Variants in NRXN1 observed in about 807,000 individuals in gnomAD.
The protein encoded by NRXN1 is neurexin 1.
Under a neutral mutation model 150.9 loss-of-function variants are expected in NRXN1, and 39 were observed. The ratio of observed to expected loss-of-function variants is 0.26; its 90% confidence interval spans 0.20 to 0.34. The LOEUF is 0.34. Among genes scored for constraint, NRXN1 ranks in the 10% least tolerant of loss-of-function variants. The pLI is 1.00. For synonymous variants in NRXN1, 924 were observed against 757.0 expected (o/e 1.22, Z -3.62); for missense variants, 1,815 against 1,949.9 (o/e 0.93, Z 1.30).
chr2:50,215,901 ATAAT>A (rs2063362207), intron 18 of NRXN1, among the ~76,000 whole-genome samples: 1 of 152,096 alleles, frequency 6.6e-6, no homozygotes, highest in East Asian at 1.9e-4. Context: ...AAGCAAGTAC[ATAAT>A]TGGCATTTTT....
intron 5 of NRXN1, among the ~76,000 whole-genome samples, chr2:50,769,143 T>A (rs1445121851): frequency 6.6e-6 from 1 of 152,062 alleles, no homozygotes; most frequent in Non-Finnish European, 1.5e-5. Flanking sequence ...AAGCTATTAT[T>A]TCTGGGTTCT....
intron 17 of NRXN1, among the ~76,000 whole-genome samples, chr2:50,273,118 T>G (rs868019568): frequency 2.6e-5 from 4 of 152,100 alleles, no homozygotes; most frequent in Non-Finnish European, 4.4e-5. Flanking sequence ...GAGGTACCAT[T>G]GGCAAATATT....
At chr2:50,111,282 T>C (rs1478189598) in intron 18 of NRXN1, among the ~76,000 whole-genome samples, 2 of 152,164 alleles carry the variant, frequency 1.3e-5, no homozygotes, top group Admixed American at 6.5e-5. Flanking sequence ...TAAGTTCAAC[T>C]TGAAACATGC....
chr2:50,510,266 T>A (rs1414863772), intron 12 of NRXN1, among the ~76,000 whole-genome samples: 1 of 151,456 alleles, frequency 6.6e-6, no homozygotes, highest in African/African-American at 2.4e-5. Flanking sequence ...GGCGGGAGAA[T>A]CACGAGGTCA....
At chr2:50,373,294 T>TATTTATTATTATTA (rs565617688) in intron 17 of NRXN1, among the ~76,000 whole-genome samples, 1 of 140,412 alleles carries the variant, frequency 7.1e-6, no homozygotes, top group Non-Finnish European at 1.5e-5. Context: ...TATTTTATTT[T>TATTTATTATTATTA]TTATTATTAT....
chr2:50,557,622 A>C (rs1668445755), intron 8 of NRXN1, among the ~76,000 whole-genome samples: 1 of 152,204 alleles, frequency 6.6e-6, no homozygotes, highest in Non-Finnish European at 1.5e-5. Context: ...TACCACATTA[A>C]GGTTACTGTA....
chr2:49,945,036 C>T (rs1480916076), intron 21 of NRXN1: 1 of 152,106 alleles, frequency 6.6e-6, no homozygotes, highest in Non-Finnish European at 1.5e-5. Flanking sequence ...AAAAATCTTT[C>T]AAGTGCAGAG....
At chr2:50,864,071 G>A (rs748019470) in intron 5 of NRXN1, among the ~76,000 whole-genome samples, 32 of 151,942 alleles carry the variant, frequency 2.1e-4, no homozygotes, top group African/African-American at 4.8e-5. Context: ...GAGATTTTCC[G>A]TTGGCTTACT....
chr2:50,421,008 G>A (rs1572905864), intron 17 of NRXN1, among the ~76,000 whole-genome samples: 1 of 133,452 alleles, frequency 7.5e-6, no homozygotes, highest in South Asian at 2.3e-4. Flanking sequence ...GTGTGTGTGT[G>A]TGTGTGTGTG....
At chr2:50,104,538 T>C (rs1415173110) in intron 18 of NRXN1, among the ~76,000 whole-genome samples, 1 of 152,052 alleles carries the variant, frequency 6.6e-6, no homozygotes, top group African/African-American at 2.4e-5. Context: ...GGGCAGGATT[T>C]GGCAGCAGAT....
intron 5 of NRXN1, among the ~76,000 whole-genome samples, chr2:50,871,781 T>C (rs995325821): frequency 6.6e-6 from 1 of 151,844 alleles, no homozygotes; most frequent in Non-Finnish European, 1.5e-5. Context: ...AAAATTCACT[T>C]AGTTTAAGCA....
At chr2:50,614,733 C>CAAAAAAAAAAAAAAAAAAAA (rs33968907) in intron 8 of NRXN1, among the ~76,000 whole-genome samples, 1 of 98,272 alleles carries the variant, frequency 1.0e-5, no homozygotes, top group Non-Finnish European at 1.9e-5. Flanking sequence ...ATCAGCCATT[C>CAAAAAAAAAAAAAAAAAAAA]AAAAAAAAAA....
intron 15 of NRXN1, among the ~76,000 whole-genome samples, chr2:50,478,316 T>A (rs2090156401): frequency 6.6e-6 from 1 of 152,180 alleles, no homozygotes; most frequent in African/African-American, 2.4e-5. Flanking sequence ...CTATTTGAGC[T>A]TACAAGTAAA....
chr2:50,193,618 G>C (rs918609522), intron 18 of NRXN1, among the ~76,000 whole-genome samples: 4 of 151,964 alleles, frequency 2.6e-5, no homozygotes, highest in African/African-American at 7.2e-5. Context: ...GCTTTATTGT[G>C]CCACTAATAT....
chr2:50,305,275 A>C (rs2152957934), intron 17 of NRXN1, among the ~76,000 whole-genome samples: 1 of 152,330 alleles, frequency 6.6e-6, no homozygotes, highest in South Asian at 2.1e-4. Context: ...TTTATATAAT[A>C]TTATCCCCGT....
At chr2:49,974,104 G>C in intron 21 of NRXN1, 1 of 716,680 alleles carries the variant, frequency 1.4e-6, no homozygotes, top group Non-Finnish European at 2.6e-6. Flanking sequence ...TGACAGGAGA[G>C]CTCCCTGACT....
At chr2:50,647,516 A>G (rs1380926699) in intron 5 of NRXN1, among the ~76,000 whole-genome samples, 1 of 151,992 alleles carries the variant, frequency 6.6e-6, no homozygotes, top group East Asian at 1.9e-4. Context: ...CTGCTTGTGT[A>G]TAATCACACA....
intron 17 of NRXN1, among the ~76,000 whole-genome samples, chr2:50,264,363 G>A (rs912604762): frequency 6.6e-6 from 1 of 151,992 alleles, no homozygotes; most frequent in Non-Finnish European, 1.5e-5. Context: ...CATATCCAAG[G>A]AGACTAGCCA....
intron 17 of NRXN1, among the ~76,000 whole-genome samples, chr2:50,349,965 A>G (rs1339330798): frequency 3.3e-5 from 5 of 152,216 alleles, no homozygotes; most frequent in Non-Finnish European, 7.3e-5. Context: ...AGTGTCCAGC[A>G]TATGTGAAAC....
Sources: gnomAD v4.1 joint callset for allele counts (sites outside exome capture counted in the v4.1 genomes callset) on GRCh38, gnomAD v4.1.1 for gene constraint, MANE v1.5 for transcripts, NCBI Gene and HGNC (gene_info 2026-07-23, HGNC 2026-07-21) for gene names.